The following CDH18 variants were observed in gnomAD, a reference collection of about 807,000 sequenced individuals.
CDH18 encodes the protein cadherin 18.
CDH18 carries 31 observed loss-of-function variants against 67.9 expected under a neutral mutation model. That is an observed-to-expected ratio of 0.46 (90% confidence interval 0.34 to 0.62). The LOEUF (loss-of-function observed/expected upper bound fraction) is 0.62, where lower values mean the gene tolerates loss of function less well. Among genes scored for constraint, CDH18 ranks in the 20% least tolerant of loss-of-function variants. CDH18 has a pLI of 0.01. For missense variants in CDH18, 890 were observed against 975.5 expected (o/e 0.91, Z 1.17); for synonymous variants, 362 against 347.2 (o/e 1.04, Z -0.48).
At chr5:20,529,268 GA>G (rs202161535) in intron 1 of CDH18, among the ~76,000 whole-genome samples, 8,291 of 142,500 alleles carry the variant, frequency 0.058, 735 homozygotes, top group African/African-American at 0.19. Flanking sequence ...TACCAATGGG[GA>G]AAAAAAAAAA....
chr5:20,160,494 TGTTTTCCTATATAAAATA>T, intron 2 of CDH18, among the ~76,000 whole-genome samples: 1 of 152,364 alleles, frequency 6.6e-6, no homozygotes, highest in East Asian at 1.9e-4. Flanking sequence ...ATTTATCATG[TGTTTTCCTATATAAAATA>T]GTCTACCTGA....
chr5:20,226,448 T>C (rs565902605), intron 2 of CDH18, among the ~76,000 whole-genome samples: 2 of 152,228 alleles, frequency 1.3e-5, no homozygotes, highest in African/African-American at 4.8e-5. Flanking sequence ...CAGTCCCATA[T>C]TGATGTGACT....
At chr5:19,682,121 A>T (rs544220583) in intron 5 of CDH18, among the ~76,000 whole-genome samples, 12 of 151,976 alleles carry the variant, frequency 7.9e-5, no homozygotes, top group Non-Finnish European at 1.5e-4. Context: ...CTTTATTTAT[A>T]CTTTGATTCC....
At chr5:19,936,888 T>C (rs1274395803) in intron 2 of CDH18, among the ~76,000 whole-genome samples, 3 of 150,486 alleles carry the variant, frequency 2.0e-5, no homozygotes, top group African/African-American at 7.4e-5. Flanking sequence ...ATAGATGTAA[T>C]AATATTATAC....
intron 7 of CDH18, 22 bp downstream of exon 7, chr5:19,591,035 A>C: frequency 6.7e-7 from 1 of 1,493,800 alleles, no homozygotes; most frequent in Non-Finnish European, 9.1e-7. Flanking sequence ...TGCCTGAATC[A>C]CAAAAAGTAT....
intron 1 of CDH18, among the ~76,000 whole-genome samples, chr5:20,365,719 C>A (rs1253143014): frequency 6.6e-6 from 1 of 152,112 alleles, no homozygotes; most frequent in Non-Finnish European, 1.5e-5. Context: ...AACACCTGGA[C>A]TATAAATCAT....
At chr5:19,993,544 T>C (rs1340014913) in intron 2 of CDH18, among the ~76,000 whole-genome samples, 2 of 152,120 alleles carry the variant, frequency 1.3e-5, no homozygotes, top group Non-Finnish European at 2.9e-5. Context: ...ATACCATCTC[T>C]AACTCCTCTA....
At chr5:20,498,205 T>TGTG (rs1184754123) in intron 1 of CDH18, among the ~76,000 whole-genome samples, 1 of 114,880 alleles carries the variant, frequency 8.7e-6, no homozygotes, top group Non-Finnish European at 1.9e-5. Context: ...TTTATAGTCA[T>TGTG]GTGACTTGAT....
intron 2 of CDH18, among the ~76,000 whole-genome samples, chr5:20,106,435 T>G (rs1365092435): frequency 2.0e-5 from 3 of 152,226 alleles, no homozygotes; most frequent in African/African-American, 7.2e-5. Flanking sequence ...TGCTAGAACC[T>G]TCACAGATTC....
At chr5:19,992,469 TG>T (rs1561693045), upstream of CDH18, among the ~76,000 whole-genome samples, 441 of 147,486 alleles carry the variant, frequency 3.0e-3, 3 homozygotes, top group African/African-American at 0.01. Flanking sequence ...AAAAAACAAC[TG>T]TGGGTAAACT....
intron 2 of CDH18, among the ~76,000 whole-genome samples, chr5:19,977,624 T>C (rs1359129830): frequency 2.0e-5 from 3 of 152,168 alleles, no homozygotes; most frequent in South Asian, 2.1e-4. Flanking sequence ...ACAATATCCA[T>C]GAGACATTTT....
At chr5:20,047,055 T>C (rs1740968311) in intron 2 of CDH18, among the ~76,000 whole-genome samples, 1 of 151,816 alleles carries the variant, frequency 6.6e-6, no homozygotes, top group South Asian at 2.1e-4. Flanking sequence ...GAGCAGTTGA[T>C]GGAGCAGTGT....
In CDH18 at chr5:19,669,570, C is replaced by T. The variant is rs1454419975; in HGVS notation, c.643+51777G>A. On this transcript the variant is annotated intron_variant, in intron 5 of 12. Coordinates refer to ENST00000382275, the MANE Select transcript of CDH18 (RefSeq NM_004934.5). ...CCTCCCAAAGTGCTGGGATTACAGG[C>T]GTGAGCCACTGCACCCAACCTCTCA... Among the ~76,000 whole-genome samples, 8 of 152,160 alleles carry T rather than the reference C, an allele frequency of 5.3e-5. No individual in the cohort carries two copies. The East Asian group carries it at 5.8e-4, about 11-fold the overall frequency.
At chr5:20,251,564 A>G (rs1743860742) in intron 2 of CDH18, among the ~76,000 whole-genome samples, 1 of 152,232 alleles carries the variant, frequency 6.6e-6, no homozygotes, top group Non-Finnish European at 1.5e-5. Flanking sequence ...TGTAATAGAA[A>G]CATTCAACCT....
intron 2 of CDH18, among the ~76,000 whole-genome samples, chr5:20,094,107 C>T (rs999468060): frequency 2.0e-5 from 3 of 152,080 alleles, no homozygotes; most frequent in African/African-American, 7.2e-5. Flanking sequence ...AAAGCAGTGG[C>T]CTAGAAAACC....
intron 1 of CDH18, among the ~76,000 whole-genome samples, chr5:20,570,587 C>T (rs1758760283): frequency 6.6e-6 from 1 of 152,048 alleles, no homozygotes; most frequent in South Asian, 2.1e-4. Context: ...TTAATAAAAT[C>T]ATGTTCTAGT....
At chr5:19,655,661 A>G (rs1017415466) in intron 5 of CDH18, among the ~76,000 whole-genome samples, 1 of 152,136 alleles carries the variant, frequency 6.6e-6, no homozygotes, top group Non-Finnish European at 1.5e-5. Context: ...ACACTAATTA[A>G]GTGCTACATT....
chr5:19,627,741 A>G (rs1326033752), intron 5 of CDH18, among the ~76,000 whole-genome samples: 3 of 152,200 alleles, frequency 2.0e-5, no homozygotes, highest in Non-Finnish European at 4.4e-5. Context: ...AAACAGGCTT[A>G]CTTAAAAGAA....
At chr5:20,554,527 G>T (rs567817995) in intron 1 of CDH18, among the ~76,000 whole-genome samples, 2 of 152,162 alleles carry the variant, frequency 1.3e-5, no homozygotes, top group East Asian at 1.9e-4. Context: ...TAAATCTAAT[G>T]ACATTTTTAG....
Sources: allele counts gnomAD v4.1 joint callset (sites outside exome capture counted in the v4.1 genomes callset), GRCh38; gene constraint gnomAD v4.1.1; transcripts MANE v1.5; gene names NCBI Gene and HGNC (gene_info 2026-07-23, HGNC 2026-07-21).